GMEB1: variants seen among roughly 807,000 people sequenced by gnomAD.
GMEB1 encodes the protein glucocorticoid modulatory element binding protein 1, also known as glucocorticoid modulatory element-binding protein 1.
A neutral mutation model predicts 52.4 loss-of-function variants in GMEB1; 6 were observed. The observed-to-expected ratio is 0.11, with a 90% CI of 0.06 to 0.23. The LOEUF is 0.23. Among genes scored for constraint, GMEB1 ranks in the 10% least tolerant of loss-of-function variants. GMEB1 has a pLI of 1.00. For missense variants in GMEB1, 486 were observed against 685.6 expected (o/e 0.71, Z 3.25); for synonymous variants, 255 against 244.9 (o/e 1.04, Z -0.38).
In GMEB1 at chr1:28,674,410, A is replaced by T. The variant is rs111508685; in HGVS notation, c.-31+5571A>T. On this transcript the variant is annotated intron_variant, in intron 1 of 9. Transcript: ENST00000373816. ...GTTAATTTTATTTATTTATTTATTT[A>T]TTTTTTTGAGACGGAGTCTCCCTCT... Among the ~76,000 whole-genome samples, 740 of 151,966 alleles carry T rather than the reference A, an allele frequency of 4.9e-3. 5 individuals carry two copies. Among genetic ancestry groups the T allele is most frequent in the African/African-American group, 0.014 (574 of 41,494 alleles).
chr1:28,702,729 G>T (rs955446326), intron 7 of GMEB1, among the ~76,000 whole-genome samples, 160 bp downstream of exon 7: 1 of 152,036 alleles, frequency 6.6e-6, no homozygotes, highest in South Asian at 2.1e-4. Flanking sequence ...CCATGCAATA[G>T]CCCTGCATAG....
At chr1:28,684,185 T>C (rs540666576) in intron 2 of GMEB1, among the ~76,000 whole-genome samples, 1 of 152,234 alleles carries the variant, frequency 6.6e-6, no homozygotes, top group South Asian at 2.1e-4. Context: ...TCTTTTGTTC[T>C]TTTTTCTTTT....
chr1:28,671,653 A>G (rs1321283892), intron 1 of GMEB1, among the ~76,000 whole-genome samples: 1 of 151,802 alleles, frequency 6.6e-6, no homozygotes, highest in Non-Finnish European at 1.5e-5. Context: ...CTTAAGTGGG[A>G]GGATCGCTTG....
chr1:28,698,511 TAAAAATAC>T (rs1353923804), intron 6 of GMEB1, among the ~76,000 whole-genome samples: 2 of 148,524 alleles, frequency 1.3e-5, no homozygotes, highest in African/African-American at 5.0e-5. Flanking sequence ...CTGTCTCTAC[TAAAAATAC>T]AAAAAATTAG....
intron 8 of GMEB1, among the ~76,000 whole-genome samples, chr1:28,706,435 T>C (rs1407683268): frequency 2.0e-5 from 3 of 151,764 alleles, no homozygotes; most frequent in African/African-American, 7.3e-5. Context: ...TGAAACCCTG[T>C]CTCTACAAAA....
chr1:28,687,370 ACACACACACACACACAC>A (rs1669704616), intron 2 of GMEB1, among the ~76,000 whole-genome samples: 4 of 84,250 alleles, frequency 4.7e-5, no homozygotes, highest in Non-Finnish European at 7.8e-5. Flanking sequence ...ACACACACAC[ACACACACACACACACAC>A]AAAAAAAGAC....
chr1:28,696,703 T>G (rs1670225845), intron 5 of GMEB1, among the ~76,000 whole-genome samples: 1 of 152,110 alleles, frequency 6.6e-6, no homozygotes, highest in East Asian at 1.9e-4. Flanking sequence ...ATACTCATAA[T>G]GAATAAACTA....
chr1:28,697,567 G>A (rs1427885412), intron 6 of GMEB1, among the ~76,000 whole-genome samples: 1 of 152,122 alleles, frequency 6.6e-6, no homozygotes, highest in African/African-American at 2.4e-5. Flanking sequence ...GTAAAGTATG[G>A]TAATCTTGGA....
chr1:28,694,530 AG>A (rs1344281009), intron 5 of GMEB1, among the ~76,000 whole-genome samples: 1 of 146,160 alleles, frequency 6.8e-6, no homozygotes, highest in Admixed American at 7.0e-5. Context: ...AAAAAAAAAA[AG>A]CCCATGTTCT....
chr1:28,672,905 AT>A (rs879293036), intron 1 of GMEB1, among the ~76,000 whole-genome samples: 134 of 136,076 alleles, frequency 9.8e-4, no homozygotes, highest in Middle Eastern at 4.2e-3. Flanking sequence ...TGCCCAGATA[AT>A]TTTTTTTTTT....
chr1:28,683,536 A>G lies in GMEB1; in HGVS notation c.-30-47A>G, dbSNP rs1412366488. On this transcript the variant is annotated intron_variant, in intron 1 of 9. Coordinates refer to ENST00000373816, the MANE Select transcript of GMEB1 (RefSeq NM_001319674.2). ...GAGCCACCATGCCCGGCCTGTTGAC[A>G]TCTTTTTAAACCAGATTAAGTTATT... 6.8e-6 allele frequency: 10 copies of G among 1,475,600 alleles called. No individual in the cohort carries two copies. The South Asian group carries it at 1.1e-4, about 16-fold the overall frequency. The allele number at this position is 1,475,600 out of a possible 1,614,324, so 91.4% of individuals were successfully genotyped here. A position where few individuals can be genotyped will look rare whatever the true frequency, so the allele number is the denominator to read the frequency against.
chr1:28,673,979 C>T (rs1286934553), intron 1 of GMEB1, among the ~76,000 whole-genome samples: 1 of 151,812 alleles, frequency 6.6e-6, no homozygotes, highest in African/African-American at 2.4e-5. Flanking sequence ...AACCCTGTCT[C>T]TACTAAAAAT....
chr1:28,679,999 G>A (rs1005583737), intron 1 of GMEB1, among the ~76,000 whole-genome samples: 1 of 151,948 alleles, frequency 6.6e-6, no homozygotes, highest in Non-Finnish European at 1.5e-5. Context: ...GTAGAGATGG[G>A]GTTTCTCCAT....
intron 4 of GMEB1, 92 bp downstream of exon 4, chr1:28,691,801 C>A: frequency 5.2e-6 from 2 of 384,914 alleles, no homozygotes; most frequent in Non-Finnish European, 4.7e-6. Flanking sequence ...TCCACTATAT[C>A]AGTTTTATTT....
chr1:28,673,582 A>G (rs189026284), intron 1 of GMEB1, among the ~76,000 whole-genome samples: 497 of 152,330 alleles, frequency 3.3e-3, no homozygotes, highest in Non-Finnish European at 4.7e-3. Context: ...CAAACATAGC[A>G]TCTTGCCACA....
chr1:28,677,105 C>T (rs1669184676), intron 1 of GMEB1, among the ~76,000 whole-genome samples: 1 of 152,000 alleles, frequency 6.6e-6, no homozygotes. Flanking sequence ...GTATGTGAAA[C>T]ATAATCGAAT....
chr1:28,714,747 G>A lies in GMEB1; in HGVS notation c.1666G>A (p.Val556Met). The A allele has an allele frequency of 1.9e-6, 3 of 1,612,508 alleles. No homozygotes were observed. The highest frequency in any genetic ancestry group is 4.5e-5 in the East Asian group (2 of 44,868). Residue 556 changes from valine (V) to methionine (M), a missense_variant, in exon 10 of 10, where the codon GTG (valine) becomes ATG (methionine). Around this residue, in one of 5 missense-constraint regions of GMEB1, gnomAD observed 153 missense variants for 200.8 expected, o/e 0.76. Transcript: ENST00000373816. ...MEEHQHQVHNVEIVVLED is the reference protein window; with the variant it reads ...MEEHQHQVHNMEIVVLED ...AGAACACCAGCATCAAGTTCACAAT[G>A]TGGAGATTGTGGTCTTAGAGGATTA...
At chr1:28,693,066 C>T in intron 5 of GMEB1, 21 bp downstream of exon 5, 2 of 1,284,400 alleles carry the variant, frequency 1.6e-6, no homozygotes, top group Non-Finnish European at 2.2e-6. Context: ...ATGTCAAGCA[C>T]ATACCTTTCA....
rs1669065748 is a variant in GMEB1 at position 28,674,727 on chromosome 1, T to TA, written c.-31+5888_-31+5889insA. 3.7e-5 allele frequency among the ~76,000 whole-genome samples: 5 copies of TA among 134,994 alleles called. No homozygotes were observed. In the Admixed American group the frequency reaches 3.7e-4, roughly 10 times the overall value. The allele number at this position is 134,994 out of a possible 152,430, so 88.6% of individuals were successfully genotyped here. ...TTAATTCTTTTTTTTTTTTTTTTTT[T>TA]TTTTTTTTTGAGACGGAGTCTCGCT... On this transcript the variant is annotated intron_variant, in intron 1 of 9. Transcript: ENST00000373816.
Sources: allele counts gnomAD v4.1 joint callset (sites outside exome capture counted in the v4.1 genomes callset), GRCh38; gene constraint gnomAD v4.1.1; regional missense constraint gnomAD v4.1.1; transcripts MANE v1.5; gene names NCBI Gene and HGNC (gene_info 2026-07-23, HGNC 2026-07-21).